PDE7A: variants seen among roughly 807,000 people sequenced by gnomAD.
PDE7A encodes phosphodiesterase 7A.
A neutral mutation model predicts 64.3 loss-of-function variants in PDE7A; 39 were observed. The observed-to-expected ratio is 0.61, with a 90% CI of 0.47 to 0.79. PDE7A has a LOEUF of 0.79. Among genes scored for constraint, PDE7A ranks in the 30% least tolerant of loss-of-function variants. The pLI, the probability that PDE7A is intolerant of heterozygous loss-of-function variation, is 0.00. For missense variants in PDE7A, 470 were observed against 582.8 expected (o/e 0.81, Z 1.99); for synonymous variants, 203 against 206.8 (o/e 0.98, Z 0.16).
chr8:65,745,674 T>A (rs1056980712), intron 4 of PDE7A, among the ~76,000 whole-genome samples: 1 of 152,196 alleles, frequency 6.6e-6, no homozygotes, highest in African/African-American at 2.4e-5. Context: ...AAATGAAACA[T>A]TATTTTGTTT....
At chr8:65,834,434 A>G (rs956477646) in intron 1 of PDE7A, among the ~76,000 whole-genome samples, 4 of 152,150 alleles carry the variant, frequency 2.6e-5, no homozygotes, top group African/African-American at 9.7e-5. Flanking sequence ...TGAGGAGTCA[A>G]AAGTTATATG....
chr8:65,754,794 G>A (rs1047501826), intron 3 of PDE7A, among the ~76,000 whole-genome samples: 1 of 149,000 alleles, frequency 6.7e-6, no homozygotes, highest in Non-Finnish European at 1.5e-5. Context: ...ATGAAGCCCC[G>A]TCTCTACTAA....
chr8:65,840,665 A>G (rs552582794), intron 1 of PDE7A, among the ~76,000 whole-genome samples: 50 of 152,372 alleles, frequency 3.3e-4, no homozygotes, highest in Non-Finnish European at 6.0e-4. Flanking sequence ...GCATCACCAC[A>G]GGAAAAAAAC....
chr8:65,824,324 G>A (rs1454711722), intron 1 of PDE7A, among the ~76,000 whole-genome samples: 2 of 152,118 alleles, frequency 1.3e-5, no homozygotes, highest in African/African-American at 4.8e-5. Flanking sequence ...CCTTCTTACT[G>A]ATGAGCAAAG....
intron 11 of PDE7A, 135 bp from the exon 12 acceptor site, chr8:65,723,756 A>G: frequency 1.8e-6 from 1 of 541,192 alleles, no homozygotes; most frequent in Non-Finnish European, 2.9e-6. Context: ...CTTCGCAATT[A>G]GTTCTTTTTA....
chr8:65,756,077 A>G (rs1387331128), intron 3 of PDE7A, among the ~76,000 whole-genome samples: 2 of 152,248 alleles, frequency 1.3e-5, no homozygotes, highest in Admixed American at 6.5e-5. Flanking sequence ...CAGGACTGAC[A>G]ATATGTTAGT....
Position 65,745,406 on chromosome 8 carries a change from C to G in PDE7A, c.499+1G>C. On this transcript the variant is annotated splice_donor_variant, in intron 5 of 12. Coordinates refer to ENST00000401827, the MANE Select transcript of PDE7A (RefSeq NM_001242318.3). LOFTEE classifies it high-confidence loss of function. ...TTGAGCAAGTCAAATTCTTCACTTA[C>G]CATTTGTTAGTCTATCAAATAGAAA... 6.6e-7 allele frequency: 1 copy of G among 1,519,584 alleles called. No homozygotes were observed. Among genetic ancestry groups the G allele is most frequent in the Non-Finnish European group, 9.1e-7 (1 of 1,093,870 alleles). 94.1% of individuals were successfully genotyped at this position (1,519,584 alleles called of 1,614,324 possible).
chr8:65,732,927 C>G (rs1251357796), intron 7 of PDE7A, among the ~76,000 whole-genome samples: 1 of 151,898 alleles, frequency 6.6e-6, no homozygotes, highest in African/African-American at 2.4e-5. Flanking sequence ...CCAGGCTGGT[C>G]TCAAACTCCT....
Position 65,808,649 on chromosome 8 carries a change from T to A in PDE7A, c.139-25806A>T, listed in dbSNP as rs149039548. The stretch of plus-strand genomic sequence containing the variant: ...TTTGCATGTTCTTTCCCTTGATTTT[T>A]AATGATGAACATGTATTAACTTACT... On this transcript the variant is annotated intron_variant, in intron 1 of 12. Transcript: ENST00000401827. 1.8e-3 allele frequency among the ~76,000 whole-genome samples: 276 copies of A among 152,336 alleles called. 1 individual carries two copies. Among genetic ancestry groups the A allele is most frequent in the African/African-American group, 6.4e-3 (268 of 41,586 alleles).
chr8:65,749,143 T>A (rs545072320), intron 3 of PDE7A, among the ~76,000 whole-genome samples: 135 of 152,346 alleles, frequency 8.9e-4, no homozygotes, highest in Non-Finnish European at 1.7e-3. Context: ...AAGCTCCCTG[T>A]GCATTCATCT....
Position 65,841,999 on chromosome 8 carries a change from C to T in PDE7A, c.-491G>A, listed in dbSNP as rs534083704. ...CCGCCGCCGCCGCCGCCGCCGGAGTCCTGCTCCTCCCCTCCCCCGGAGCCT... is the reference window on the plus strand; with the variant it reads ...CCGCCGCCGCCGCCGCCGCCGGAGTTCTGCTCCTCCCCTCCCCCGGAGCCT... On this transcript the variant is annotated 5_prime_UTR_variant, in exon 1 of 13. Transcript: ENST00000401827. 5,938 of 247,424 alleles carry T rather than the reference C, an allele frequency of 0.024. 147 individuals are homozygous for T. Among genetic ancestry groups the T allele is most frequent in the Non-Finnish European group, 0.033 (4,295 of 128,942 alleles). 15.3% of individuals were successfully genotyped at this position (247,424 alleles called of 1,614,324 possible). A position where few individuals can be genotyped will look rare whatever the true frequency, so the allele number is the denominator to read the frequency against.
intron 1 of PDE7A, among the ~76,000 whole-genome samples, chr8:65,819,939 TCTC>T (rs141252887): frequency 2.6e-4 from 39 of 152,226 alleles, no homozygotes; most frequent in South Asian, 2.3e-3. Flanking sequence ...ATTTCCTCCT[TCTC>T]CTCCCCACAG....
chr8:65,759,968 G>T (rs551472821), intron 3 of PDE7A, among the ~76,000 whole-genome samples: 1 of 152,034 alleles, frequency 6.6e-6, no homozygotes, highest in Non-Finnish European at 1.5e-5. Context: ...AGCTGAGCAC[G>T]GTGGCTCACA....
intron 1 of PDE7A, among the ~76,000 whole-genome samples, chr8:65,784,717 T>C (rs138709900): frequency 1.2e-4 from 18 of 151,560 alleles, no homozygotes; most frequent in Admixed American, 1.2e-3. Context: ...TTTCCTCTAC[T>C]ATCCTCCCAC....
At chr8:65,788,796 A>C (rs1319069035) in intron 1 of PDE7A, 1 of 870,552 alleles carries the variant, frequency 1.1e-6, no homozygotes, top group Admixed American at 2.0e-5. Context: ...CTGAGGCAAA[A>C]GGAGGAGAAA....
intron 1 of PDE7A, among the ~76,000 whole-genome samples, chr8:65,788,236 G>C (rs1809612424): frequency 1.3e-5 from 2 of 152,040 alleles, no homozygotes; most frequent in Non-Finnish European, 2.9e-5. Context: ...TAATTTCAAA[G>C]AGTATAATTT....
chr8:65,720,041 C>A (rs773341301), intron 12 of PDE7A, among the ~76,000 whole-genome samples: 5 of 152,192 alleles, frequency 3.3e-5, no homozygotes, highest in Non-Finnish European at 7.3e-5. Context: ...TGATAAGAGT[C>A]AGTCTAAAAA....
chr8:65,778,505 T>C (rs569469293), intron 3 of PDE7A, among the ~76,000 whole-genome samples: 188 of 152,264 alleles, frequency 1.2e-3, no homozygotes, highest in African/African-American at 4.3e-3. Context: ...CAAGACACTG[T>C]AGAGCACAAG....
chr8:65,835,278 C>A (rs1810924097), intron 1 of PDE7A, among the ~76,000 whole-genome samples: 1 of 152,160 alleles, frequency 6.6e-6, no homozygotes, highest in African/African-American at 2.4e-5. Flanking sequence ...GATCTTTAGT[C>A]AAGAGACTTC....
Sources: gnomAD v4.1 joint callset for allele counts (sites outside exome capture counted in the v4.1 genomes callset) on GRCh38, gnomAD v4.1.1 for gene constraint, MANE v1.5 for transcripts, NCBI Gene and HGNC (gene_info 2026-07-23, HGNC 2026-07-21) for gene names.